SBF1: variants seen among roughly 807,000 people sequenced by gnomAD.
SBF1 encodes myotubularin-related protein 5.
Under a neutral mutation model 215.8 loss-of-function variants are expected in SBF1, and 65 were observed. The observed-to-expected ratio is 0.30, with a 90% CI of 0.25 to 0.37. The LOEUF is 0.37. SBF1 is among the 10% of genes least tolerant of loss of function. The probability of loss-of-function intolerance (pLI) is 1.00; values close to 1 mark genes in which losing one functional copy is unlikely to be tolerated. For missense variants in SBF1, 2,634 were observed against 2,667.8 expected, an observed-to-expected ratio of 0.99 and a Z score of 0.28; for synonymous variants, 1,410 against 1,122.8, an observed-to-expected ratio of 1.26 and a Z score of -5.11.
Position 50,466,397 on chromosome 22 carries a change from G to A in SBF1, c.741C>T (p.Ala247=), listed in dbSNP as rs773610327. The A allele has an allele frequency of 5.5e-5, 85 of 1,553,496 alleles. No homozygotes were observed. The highest frequency in any genetic ancestry group is 9.8e-5 in the Admixed American group (5 of 51,146). ...GTGCCAGGAGGCCCCTACAGGCATC[G>A]GCGAGCCGCTGGTAGCTCCGGGACA... ...LFLSRSYQRL[A]DACRGLLALL... The change falls in exon 7 of 41, where the codon GCC becomes GCT. Residue 247 remains alanine, a synonymous_variant. Coordinates refer to ENST00000380817, the MANE Select transcript of SBF1 (RefSeq NM_002972.4).
chr22:50,471,491 C>T (rs573129978), intron 1 of SBF1, among the ~76,000 whole-genome samples: 1 of 152,240 alleles, frequency 6.6e-6, no homozygotes, highest in African/African-American at 2.4e-5. Flanking sequence ...CCCCACCACA[C>T]TCCCCACAGT....
At chr22:50,450,513 T>A in intron 36 of SBF1, among the ~76,000 whole-genome samples, 1 of 149,360 alleles carries the variant, frequency 6.7e-6, no homozygotes, top group Non-Finnish European at 1.5e-5. Flanking sequence ...AAAGTGAGAC[T>A]CTGCCTCAAA....
chr22:50,457,609 C>T (rs2067307205), intron 28 of SBF1, among the ~76,000 whole-genome samples: 1 of 152,226 alleles, frequency 6.6e-6, no homozygotes, highest in Non-Finnish European at 1.5e-5. Flanking sequence ...AGAGGGTGGG[C>T]TCAGAGCCTG....
rs2066808396 is a variant in SBF1 at position 50,446,356 on chromosome 22, T to TACCCCCCC, written c.*785_*786insGGGGGGGT. On this transcript the variant is annotated 3_prime_UTR_variant, in exon 41 of 41. Transcript: ENST00000380817. ...CCTGCATTCCCCTGGGAGCCCACTG[T>TACCCCCCC]CCCCCCCCCCCCCCCGCCTCCGGCC... 8.6e-5 allele frequency: 3 copies of TACCCCCCC among 35,042 alleles called. No homozygotes were observed. The highest frequency in any genetic ancestry group is 2.7e-4 in the Admixed American group (1 of 3,680). 2.2% of individuals were successfully genotyped at this position (35,042 alleles called of 1,614,324 possible).
chr22:50,454,864 T>C lies in SBF1; in HGVS notation c.4762A>G (p.Lys1588Glu), dbSNP rs199795851. Residue 1588 changes from lysine (K) to glutamate (E), a missense_variant, in exon 35 of 41, where the codon AAG (lysine) becomes GAG (glutamate). Coordinates refer to ENST00000380817, the MANE Select transcript of SBF1 (RefSeq NM_002972.4). ...TAATTGTGGAACACAGGCGTCCTCT[T>C]GCTCAGCCGGTCCACATACTCCCAC... ...SVWEYVDRLS[K>E]RTPVFHNYMY... 18 of 1,614,080 alleles carry C rather than the reference T, an allele frequency of 1.1e-5. No individual in the cohort carries two copies. The highest frequency in any genetic ancestry group is 5.0e-5 in the Admixed American group (3 of 60,016).
At chr22:50,447,832 G>A (rs150406512) in intron 38 of SBF1, among the ~76,000 whole-genome samples, 72 of 152,354 alleles carry the variant, frequency 4.7e-4, no homozygotes, top group African/African-American at 1.7e-3. Context: ...AGACAGTGAA[G>A]GGCGCCTCAC....
chr22:50,458,521 T>C (rs907501441), intron 28 of SBF1, among the ~76,000 whole-genome samples: 1 of 152,120 alleles, frequency 6.6e-6, no homozygotes, highest in Non-Finnish European at 1.5e-5. Context: ...ACTCAGGGTT[T>C]CTGGCAGGGG....
intron 20 of SBF1, 29 bp downstream of exon 20, chr22:50,461,918 G>C: frequency 3.7e-6 from 6 of 1,613,952 alleles, no homozygotes; most frequent in Non-Finnish European, 5.1e-6. Context: ...ACCCATCCAA[G>C]GGGGAATCAC....
chr22:50,462,069 T>A lies in SBF1; in HGVS notation c.2447A>T (p.Asp816Val), dbSNP rs777953280. 1 of 1,613,970 alleles carries A rather than the reference T, an allele frequency of 6.2e-7. No homozygotes were observed. The highest frequency in any genetic ancestry group is 8.5e-7 in the Non-Finnish European group (1 of 1,180,044). ...ESYDTESGFE[D>V]AETCDVAGAV... ...CCCAGCTACGTCGCAGGTCTCTGCATCCTCGAAGCCGCTCTCCGTGTCATA... is the reference window on the plus strand; with the variant it reads ...CCCAGCTACGTCGCAGGTCTCTGCAACCTCGAAGCCGCTCTCCGTGTCATA... The change falls in exon 20 of 41, where the codon GAT becomes GTT. Residue 816 changes from aspartate to valine, a missense_variant. Transcript: ENST00000380817.
At position 50,445,314 on chromosome 22, in the gene SBF1, A is replaced by ACAT. The variant is rs140302162; in HGVS notation, c.*1825_*1827dup. 0.026 allele frequency: 3,953 copies of ACAT among 152,630 alleles called. 184 individuals carry two copies. Among genetic ancestry groups the ACAT allele is most frequent in the African/African-American group, 0.09 (3,737 of 41,544 alleles). 9.5% of individuals were successfully genotyped at this position (152,630 alleles called of 1,614,324 possible). On this transcript the variant is annotated 3_prime_UTR_variant, in exon 41 of 41. Transcript: ENST00000380817. The stretch of plus-strand genomic sequence containing the variant: ...GAACCACTTCGCCTAACGCTCAAAC[A>ACAT]CATCAACCCCAGGACTTCCTTTTGT...
chr22:50,460,776 C>A, intron 23 of SBF1, 64 bp from the exon 24 acceptor site: 3 of 1,521,808 alleles, frequency 2.0e-6, no homozygotes, highest in South Asian at 2.3e-5. Context: ...CCAACTCTGA[C>A]ACTGCCAGGC....
chr22:50,468,578 G>C (rs530248079), intron 1 of SBF1, 117 bp from the exon 2 acceptor site: 2 of 669,018 alleles, frequency 3.0e-6, no homozygotes, highest in Non-Finnish European at 4.9e-6. Context: ...CACCAGATCA[G>C]CCACAGCTCC....
At chr22:50,451,998 AT>A (rs2067065564) in intron 36 of SBF1, among the ~76,000 whole-genome samples, 1 of 151,726 alleles carries the variant, frequency 6.6e-6, no homozygotes, top group African/African-American at 2.4e-5. Flanking sequence ...GTTTCACCAT[AT>A]TTGCCAGGCT....
rs762195161 is a variant in SBF1, at chr22:50,462,273, G to A, written c.2328C>T (p.Ser776=). 1.9e-6 allele frequency: 3 copies of A among 1,612,232 alleles called. No homozygotes were observed. The South Asian group carries it at 3.3e-5, about 18-fold the overall frequency. ...YLLLPLDSSK[S]RLLRERAGLG... ...GCCCGGCACGCTCCCGAAGTAGGCGGCTCTTGCTGCTGTCCAGGGGCAGGA... is the reference window on the plus strand; with the variant it reads ...GCCCGGCACGCTCCCGAAGTAGGCGACTCTTGCTGCTGTCCAGGGGCAGGA... Residue 776 remains serine (S), a synonymous_variant, in exon 19 of 41, where the codon AGC becomes AGT. Transcript: ENST00000380817.
rs752184283 is a variant in SBF1 at position 50,460,397 on chromosome 22, C to T, written c.3158G>A (p.Arg1053Gln). The change falls in exon 25 of 41, where the codon CGG (arginine) becomes CAG (glutamine). Residue 1053 changes from arginine to glutamine, a missense_variant. Coordinates refer to ENST00000380817, the MANE Select transcript of SBF1 (RefSeq NM_002972.4). ...CTTCTTGGCGTTCTTGACCAGGTTC[C>T]GGGACAGGGTTCTGAGGCCCACGAG... is the stretch of plus-strand genomic sequence containing the variant. ...DKGPSLRTLS[R>Q]NLVKNAKKTI... 3.5e-5 allele frequency: 57 copies of T among 1,611,546 alleles called. 1 individual carries two copies. The Admixed American group carries it at 4.0e-4, about 11-fold the overall frequency.
At position 50,460,692 on chromosome 22, in the gene SBF1, G is replaced by A. The variant is rs549851312; in HGVS notation, c.2988C>T (p.Asp996=). The A allele has an allele frequency of 2.0e-5, 32 of 1,613,370 alleles. No individual in the cohort carries two copies. Among genetic ancestry groups the A allele is most frequent in the East Asian group, 1.3e-4 (6 of 44,864 alleles). The change falls in exon 24 of 41, where the codon GAC becomes GAT. Residue 996 remains aspartate, a synonymous_variant. Coordinates refer to ENST00000380817, the MANE Select transcript of SBF1 (RefSeq NM_002972.4). Reference sequence around the variant, plus strand: ...CGGCGCTGTCAGACCCCACCTCCTCGTCAAAGGCCATTTTCAGCAGCTGTG... The same window carrying A: ...CGGCGCTGTCAGACCCCACCTCCTCATCAAAGGCCATTTTCAGCAGCTGTG... ...CTFQLLKMAF[D]EEVGSDSAEL...
intron 39 of SBF1, 32 bp from the exon 40 acceptor site, chr22:50,447,485 C>CA: frequency 1.2e-6 from 2 of 1,609,878 alleles, no homozygotes; most frequent in Non-Finnish European, 1.7e-6. Context: ...GCGGAGCCCC[C>CA]TCCCCCGTGA....
chr22:50,467,465 G>C lies in SBF1; in HGVS notation c.439-17C>G. The C allele has an allele frequency of 1.2e-6, 2 of 1,614,014 alleles. No homozygotes were observed. Among genetic ancestry groups the C allele is most frequent in the Non-Finnish European group, 1.7e-6 (2 of 1,179,910 alleles). On this transcript the variant is annotated splice_polypyrimidine_tract_variant and intron_variant, in intron 4 of 40. Transcript: ENST00000380817. ...AAGGCTGTTCTGCAATGACCAGAGC[G>C]GGGAGTGGTGGGACAGCCGATGGAA...
Position 50,455,161 on chromosome 22 carries a change from A to G in SBF1, c.4555-19T>C. 6.2e-7 allele frequency: 1 copy of G among 1,614,034 alleles called. No homozygotes were observed. The highest frequency in any genetic ancestry group is 8.5e-7 in the Non-Finnish European group (1 of 1,180,012). ...GGTGGACCTGCACGCCATGTGGGTCAGGGGCCAGGGCTCAGCGGTCAGGGT... is the reference window on the plus strand; with the variant it reads ...GGTGGACCTGCACGCCATGTGGGTCGGGGGCCAGGGCTCAGCGGTCAGGGT... On this transcript the variant is annotated intron_variant, in intron 33 of 40. Coordinates refer to ENST00000380817, the MANE Select transcript of SBF1 (RefSeq NM_002972.4).
Sources: allele counts gnomAD v4.1 joint callset (sites outside exome capture counted in the v4.1 genomes callset), GRCh38; gene constraint gnomAD v4.1.1; transcripts MANE v1.5; gene names NCBI Gene and HGNC (gene_info 2026-07-23, HGNC 2026-07-21).